The following TRMT6 variants were observed in gnomAD, a reference collection of about 807,000 sequenced individuals.
The protein encoded by TRMT6 is tRNA methyltransferase 6 non-catalytic subunit.
In TRMT6, 34 loss-of-function variants were observed where a neutral mutation model predicts 59.0. That is an observed-to-expected ratio of 0.58 (90% confidence interval 0.44 to 0.77). The LOEUF (loss-of-function observed/expected upper bound fraction) is 0.77. Among genes scored for constraint, TRMT6 ranks in the 30% least tolerant of loss-of-function variants. The pLI is 0.00. For synonymous variants in TRMT6, 217 were observed against 210.5 expected, an observed-to-expected ratio of 1.03 and a Z score of -0.27; for missense variants, 575 against 604.5, an observed-to-expected ratio of 0.95 and a Z score of 0.51.
chr20:5,944,161 CT>C lies in TRMT6; in HGVS notation c.458del (p.Lys153AsnfsTer9), dbSNP rs780358338. 22 of 1,479,586 alleles carry C rather than the reference CT, an allele frequency of 1.5e-5. No individual in the cohort carries two copies. Among genetic ancestry groups the C allele is most frequent in the Admixed American group, 8.2e-5 (4 of 48,644 alleles). The allele number at this position is 1,479,586 out of a possible 1,614,324, so 91.7% of individuals were successfully genotyped here. A position where few individuals can be genotyped will look rare whatever the true frequency, so the allele number is the denominator to read the frequency against. On this transcript the variant is annotated frameshift_variant and splice_region_variant, in exon 4 of 11. Coordinates refer to ENST00000203001, the MANE Select transcript of TRMT6 (RefSeq NM_015939.5). LOFTEE classifies it high-confidence loss of function. ...QDKYIKKKKK[K>X]YEAIITVVKP... ...GGCCTTTTAAAATAAAAACTACTTA[CT>C]TTTTTTTCTTCTTTTTAATATATTT...
In TRMT6 at chr20:5,944,218, T is replaced by C; in HGVS notation, c.402A>G (p.Thr134=). Residue 134 remains threonine (T), a synonymous_variant, in exon 4 of 11, where the codon ACA becomes ACG. Transcript: ENST00000203001. ...IVQQLIENST[T]FRDKTEFAQD... ...GGGCAAATTCTGTCTTGTCTCGGAA[T>C]GTTGTACTATTTTCAATTAACTGCT... 6.4e-7 allele frequency: 1 copy of C among 1,573,288 alleles called. No homozygotes were observed. The highest frequency in any genetic ancestry group is 2.3e-5 in the East Asian group (1 of 44,036).
chr20:5,942,107 G>T, intron 7 of TRMT6, 71 bp from the exon 8 acceptor site: 1 of 1,306,884 alleles, frequency 7.7e-7, no homozygotes, highest in African/African-American at 1.5e-5. Context: ...GCTCTGGCCT[G>T]TCAAAACATT....
chr20:5,948,686 T>C (rs1348129264), intron 1 of TRMT6, among the ~76,000 whole-genome samples: 1 of 151,906 alleles, frequency 6.6e-6, no homozygotes, highest in African/African-American at 2.4e-5. Context: ...GCAAAAAAAA[T>C]TAATTAGTTT....
chr20:5,942,205 T>C (rs16991551), intron 7 of TRMT6, among the ~76,000 whole-genome samples, 169 bp from the exon 8 acceptor site: 2,828 of 152,272 alleles, frequency 0.019, 69 homozygotes, highest in African/African-American at 0.057. Context: ...CTATATACTA[T>C]AAAAACCATG....
At position 5,950,465 on chromosome 20, in the gene TRMT6, C is replaced by T. The variant is rs764775426; in HGVS notation, c.-60G>A. The T allele has an allele frequency of 3.2e-5, 49 of 1,510,880 alleles. 1 individual carries two copies. Among genetic ancestry groups the T allele is most frequent in the Non-Finnish European group, 4.1e-5 (46 of 1,129,872 alleles). 93.6% of individuals were successfully genotyped at this position (1,510,880 alleles called of 1,614,324 possible). On this transcript the variant is annotated 5_prime_UTR_variant, in exon 1 of 11. In the 5' UTR this introduces an upstream ATG that the reference lacks. Coordinates refer to ENST00000203001, the MANE Select transcript of TRMT6 (RefSeq NM_015939.5). ...CGCCCCTCCTCCTCGGTTGTCGCCA[C>T]CGCCAGCCTCACTTCCCACAACCTG...
rs11335317 is a variant in TRMT6, at chr20:5,940,832, A to AT, written c.1302+220dup. Among the ~76,000 whole-genome samples the AT allele has an allele frequency of 3.4e-3, 510 of 151,384 alleles. 5 individuals are homozygous for AT. The highest frequency in any genetic ancestry group is 0.012 in the African/African-American group (485 of 41,348). On this transcript the variant is annotated intron_variant, in intron 10 of 10. Transcript: ENST00000203001. ...AGGGTCATGCCCAGCCAATTTATGT[A>AT]TTTTTTTTTGTAGAGACAGGGTTTC...
intron 10 of TRMT6, among the ~76,000 whole-genome samples, chr20:5,940,248 CAAT>C (rs2088644563): frequency 6.6e-6 from 1 of 152,302 alleles, no homozygotes; most frequent in African/African-American, 2.4e-5. Context: ...GCATTTCCCT[CAAT>C]AAATCTCTTA....
In TRMT6 at chr20:5,942,742, G is replaced by T; in HGVS notation, c.712C>A (p.Arg238=). 1.2e-6 allele frequency: 2 copies of T among 1,614,006 alleles called. No homozygotes were observed. Among genetic ancestry groups the T allele is most frequent in the Non-Finnish European group, 1.7e-6 (2 of 1,179,988 alleles). The change falls in exon 7 of 11, where the codon CGG becomes AGG. Residue 238 remains arginine, a synonymous_variant. Transcript: ENST00000203001. ...IQLYPGGGPV[R]AATACFGFPK... is the part of the protein sequence containing the mutation. ...AATCCAAAACATGCTGTTGCTGCCC[G>T]AACAGGTCCTCCTCCAGGGTATAGC...
In TRMT6 at chr20:5,938,639, G is replaced by C. The variant is rs1440997757; in HGVS notation, c.1390C>G (p.Leu464Val). Residue 464 changes from leucine (L) to valine (V), a missense_variant, in exon 11 of 11, where the codon CTT (leucine) becomes GTT (valine). Coordinates refer to ENST00000203001, the MANE Select transcript of TRMT6 (RefSeq NM_015939.5). ...LSGFTVAMDN[L>V]KADTSLKSNA... ...GATTTGAGGCTGGTGTCTGCTTTAAGGTTGTCCATGGCAACGGTGAAGCCG... is the reference window on the plus strand; with the variant it reads ...GATTTGAGGCTGGTGTCTGCTTTAACGTTGTCCATGGCAACGGTGAAGCCG... The C allele has an allele frequency of 6.2e-7, 1 of 1,614,054 alleles. No homozygotes were observed. Among genetic ancestry groups the C allele is most frequent in the Non-Finnish European group, 8.5e-7 (1 of 1,180,034 alleles).
chr20:5,947,426 T>C (rs2088717534), intron 1 of TRMT6, among the ~76,000 whole-genome samples: 2 of 152,236 alleles, frequency 1.3e-5, no homozygotes, highest in African/African-American at 4.8e-5. Context: ...TACGACAGAA[T>C]ATACTGCCAC....
Position 5,944,035 on chromosome 20 carries a change from G to T in TRMT6, c.459-4C>A. On this transcript the variant is annotated splice_polypyrimidine_tract_variant and splice_region_variant and intron_variant, in intron 4 of 10. Transcript: ENST00000203001. ...AACAGTAATGATGGCTTCATATCTG[G>T]GGGAAGAAAAAACAGAACGCTGATT... The T allele has an allele frequency of 6.4e-7, 1 of 1,571,368 alleles. No homozygotes were observed. Among genetic ancestry groups the T allele is most frequent in the South Asian group, 1.2e-5 (1 of 80,424 alleles).
intron 8 of TRMT6, 57 bp from the exon 9 acceptor site, chr20:5,941,402 T>C: frequency 1.6e-6 from 2 of 1,235,526 alleles, no homozygotes; most frequent in Non-Finnish European, 2.4e-6. Flanking sequence ...GGAGCACAGG[T>C]TTTAAAATGC....
chr20:5,947,608 C>T (rs995503973), intron 1 of TRMT6, among the ~76,000 whole-genome samples: 1 of 152,228 alleles, frequency 6.6e-6, no homozygotes, highest in Non-Finnish European at 1.5e-5. Flanking sequence ...ATGGCCAATT[C>T]TTGTTATTTG....
Position 5,950,456 on chromosome 20 carries a change from T to C in TRMT6, c.-51A>G, listed in dbSNP as rs933999821. On this transcript the variant is annotated 5_prime_UTR_variant, in exon 1 of 11. Coordinates refer to ENST00000203001, the MANE Select transcript of TRMT6 (RefSeq NM_015939.5). Reference sequence around the variant, plus strand: ...ACGGCGTCCCGCCCCTCCTCCTCGGTTGTCGCCACCGCCAGCCTCACTTCC... The same window carrying C: ...ACGGCGTCCCGCCCCTCCTCCTCGGCTGTCGCCACCGCCAGCCTCACTTCC... 12 of 1,525,982 alleles carry C rather than the reference T, an allele frequency of 7.9e-6. No homozygotes were observed. The highest frequency in any genetic ancestry group is 1.9e-5 in the Admixed American group (1 of 51,968). The allele number at this position is 1,525,982 out of a possible 1,614,324, so 94.5% of individuals were successfully genotyped here.
rs1416582358 is a variant in TRMT6 at position 5,943,661 on chromosome 20, C to A, written c.565G>T (p.Ala189Ser). ...KINHMRYDTL[A>S]QMLTLGNIRA... ...ATATTTCCCAACGTCAACATCTGGGCTAGTGTATCGTATCTCATGTGGCTA... is the reference window on the plus strand; with the variant it reads ...ATATTTCCCAACGTCAACATCTGGGATAGTGTATCGTATCTCATGTGGCTA... The change falls in exon 6 of 11, where the codon GCC becomes TCC. Residue 189 changes from alanine to serine, a missense_variant. Physicochemically the swap from Ala to Ser is moderately conservative, Grantham distance 99. Transcript: ENST00000203001. 1 of 1,614,050 alleles carries A rather than the reference C, an allele frequency of 6.2e-7. No homozygotes were observed. Among genetic ancestry groups the A allele is most frequent in the Admixed American group, 1.7e-5 (1 of 59,998 alleles).
chr20:5,942,318 T>C (rs764692031), intron 7 of TRMT6, 110 bp downstream of exon 7: 2 of 976,032 alleles, frequency 2.0e-6, no homozygotes, highest in South Asian at 1.3e-5. Flanking sequence ...GTTTTGATAG[T>C]TATCATCTTG....
At chr20:5,949,609 T>C (rs1175313172) in intron 1 of TRMT6, among the ~76,000 whole-genome samples, 1 of 152,182 alleles carries the variant, frequency 6.6e-6, no homozygotes, top group Non-Finnish European at 1.5e-5. Context: ...GTTGAATCCT[T>C]TGGTGAGTAA....
intron 1 of TRMT6, 74 bp downstream of exon 1, chr20:5,950,204 G>T: frequency 6.8e-7 from 1 of 1,469,940 alleles, no homozygotes. Context: ...GAAGAATTCT[G>T]TGGAGAAACC....
In TRMT6 at chr20:5,941,459, A is replaced by G. The variant is rs111718519; in HGVS notation, c.1113-114T>C. On this transcript the variant is annotated intron_variant, in intron 8 of 10. Coordinates refer to ENST00000203001, the MANE Select transcript of TRMT6 (RefSeq NM_015939.5). The stretch of plus-strand genomic sequence containing the variant: ...AATTTGCATGACTCACAAAGAGAAG[A>G]GATTTAAATATAACATTCTAGAAAT... The G allele has an allele frequency of 3.7e-4, 277 of 744,558 alleles. No individual in the cohort carries two copies. In the African/African-American group the frequency reaches 4.4e-3, roughly 12 times the overall value. 46.1% of individuals were successfully genotyped at this position (744,558 alleles called of 1,614,324 possible). A position where few individuals can be genotyped will look rare whatever the true frequency, so the allele number is the denominator to read the frequency against.
Sources: allele counts gnomAD v4.1 joint callset (sites outside exome capture counted in the v4.1 genomes callset), GRCh38; gene constraint gnomAD v4.1.1; transcripts MANE v1.5; gene names NCBI Gene and HGNC (gene_info 2026-07-23, HGNC 2026-07-21).